The following QTGAL variants were observed in gnomAD, a reference collection of about 807,000 sequenced individuals.
QTGAL encodes the protein queuosine-tRNA galactosyltransferase, also known as BGnT-like protein 1.
the QTGAL span, among the ~76,000 whole-genome samples, chr17:83,007,842 G>A: frequency 1.3e-5 from 2 of 152,212 alleles, no homozygotes; most frequent in Admixed American, 1.3e-4. Flanking sequence ...CACGAGCCAC[G>A]AGCATTGGTC....
chr17:83,030,515 G>A, the QTGAL span, among the ~76,000 whole-genome samples: 11 of 152,214 alleles, frequency 7.2e-5, no homozygotes, highest in African/African-American at 1.9e-4. Flanking sequence ...GGTTCTAGAC[G>A]GCACTGCTGC....
chr17:83,008,862 C>T, the QTGAL span, among the ~76,000 whole-genome samples: 130 of 152,062 alleles, frequency 8.5e-4, no homozygotes, highest in Non-Finnish European at 1.4e-3. Context: ...GGATCCCTGC[C>T]GCCGAACGAG....
chr17:82,945,207 GA>G, the QTGAL span: 7 of 152,240 alleles, frequency 4.6e-5, no homozygotes, highest in Non-Finnish European at 1.0e-4. Flanking sequence ...CACAGCTGAA[GA>G]GAGAATTAGA....
At chr17:83,044,701 T>C in the QTGAL span, among the ~76,000 whole-genome samples, 4 of 152,194 alleles carry the variant, frequency 2.6e-5, no homozygotes, top group African/African-American at 9.7e-5. Context: ...CCCAGCATTT[T>C]GGGAGGCCAA....
chr17:82,957,594 G>A, the QTGAL span: 2 of 1,434,920 alleles, frequency 1.4e-6, no homozygotes, highest in Non-Finnish European at 1.9e-6. Context: ...CACGTTGCCA[G>A]TGGAGTGGAC....
chr17:82,953,329 G>T, the QTGAL span, among the ~76,000 whole-genome samples: 1 of 151,980 alleles, frequency 6.6e-6, no homozygotes, highest in African/African-American at 2.4e-5. Flanking sequence ...AGATAAAGGG[G>T]CTGTCACCAC....
chr17:82,951,248 T>C, the QTGAL span, among the ~76,000 whole-genome samples: 2 of 152,328 alleles, frequency 1.3e-5, no homozygotes, highest in East Asian at 3.9e-4. Flanking sequence ...AGATCTGTGG[T>C]TGAGTGCGGC....
chr17:82,995,379 CTTTTTCTTTTTT>C, the QTGAL span, among the ~76,000 whole-genome samples: 1 of 150,766 alleles, frequency 6.6e-6, no homozygotes, highest in Admixed American at 6.6e-5. Flanking sequence ...AGTAGCATTT[CTTTTTCTTTTTT>C]TTTTTTTTTG....
the QTGAL span, chr17:82,949,716 C>G: frequency 1.1e-4 from 17 of 152,216 alleles, 1 homozygote; most frequent in African/African-American, 4.1e-4. Flanking sequence ...CGGGTTCCAG[C>G]AAGCAAACTT....
At chr17:82,984,486 AGG>A in the QTGAL span, among the ~76,000 whole-genome samples, 1 of 140,280 alleles carries the variant, frequency 7.1e-6, no homozygotes, top group Non-Finnish European at 1.5e-5. Context: ...TGCAGGGGAG[AGG>A]CCACAGGAGG....
At chr17:83,014,711 A>G in the QTGAL span, among the ~76,000 whole-genome samples, 15 of 152,218 alleles carry the variant, frequency 9.9e-5, no homozygotes, top group African/African-American at 3.1e-4. Flanking sequence ...TTGAGCCACC[A>G]TGCTCAGCCC....
At chr17:82,960,985 C>T in the QTGAL span, 8 of 1,527,326 alleles carry the variant, frequency 5.2e-6, no homozygotes, top group African/African-American at 4.1e-5. Flanking sequence ...CCACCAACCC[C>T]GGCCCCGACC....
At chr17:82,965,282 G>C in the QTGAL span, among the ~76,000 whole-genome samples, 3 of 151,842 alleles carry the variant, frequency 2.0e-5, no homozygotes, top group East Asian at 1.9e-4. Context: ...TGCACCCCCG[G>C]GGGGAGGATG....
chr17:83,016,473 G>A, the QTGAL span, among the ~76,000 whole-genome samples: 1 of 151,362 alleles, frequency 6.6e-6, no homozygotes, highest in African/African-American at 2.4e-5. Context: ...ATAAAGGAGG[G>A]TGGAGAATGG....
the QTGAL span, chr17:83,011,543 A>T: frequency 6.6e-6 from 1 of 152,262 alleles, no homozygotes; most frequent in Non-Finnish European, 1.5e-5. Flanking sequence ...TTTCTAAAAA[A>T]TCCAGCCACG....
the QTGAL span, among the ~76,000 whole-genome samples, chr17:83,043,257 G>C: frequency 6.6e-6 from 1 of 152,090 alleles, no homozygotes; most frequent in Admixed American, 6.6e-5. Context: ...TCCAGGACAG[G>C]TGACACGTCC....
the QTGAL span, among the ~76,000 whole-genome samples, chr17:82,987,745 G>A: frequency 6.6e-6 from 1 of 152,264 alleles, no homozygotes; most frequent in East Asian, 1.9e-4. Context: ...GACTGTCTTG[G>A]TTATACAGGC....
chr17:82,965,798 A>G, the QTGAL span: 2 of 1,496,748 alleles, frequency 1.3e-6, no homozygotes, highest in South Asian at 2.4e-5. Flanking sequence ...GCTTGTCACA[A>G]ACAACCTGCA....
the QTGAL span, chr17:82,948,569 A>G: frequency 6.6e-6 from 1 of 152,272 alleles, no homozygotes; most frequent in East Asian, 1.9e-4. Context: ...GTGGAGTGAA[A>G]ACCAGATGCG....
Sources: allele counts gnomAD v4.1 joint callset (sites outside exome capture counted in the v4.1 genomes callset), GRCh38; gene constraint gnomAD v4.1.1; transcripts MANE v1.5; gene names NCBI Gene and HGNC (gene_info 2026-07-23, HGNC 2026-07-21).